WIPF2: variants seen among roughly 807,000 people sequenced by gnomAD.
WIPF2 encodes the protein WAS/WASL interacting protein family member 2.
Under a neutral mutation model 38.8 loss-of-function variants are expected in WIPF2, and 23 were observed. The ratio of observed to expected loss-of-function variants is 0.59; its 90% confidence interval spans 0.43 to 0.84. The LOEUF (loss-of-function observed/expected upper bound fraction) is 0.84, where lower values mean the gene tolerates loss of function less well. Among genes scored for constraint, WIPF2 ranks in the 40% least tolerant of loss-of-function variants. The probability of loss-of-function intolerance (pLI) is 0.00; values close to 1 mark genes in which losing one functional copy is unlikely to be tolerated. For missense variants in WIPF2, 574 were observed against 580.5 expected, an observed-to-expected ratio of 0.99 and a Z score of 0.11; for synonymous variants, 210 against 223.2, an observed-to-expected ratio of 0.94 and a Z score of 0.53.
chr17:40,262,181 A>G (rs1053871596), intron 3 of WIPF2, among the ~76,000 whole-genome samples: 8 of 146,588 alleles, frequency 5.5e-5, no homozygotes, highest in Non-Finnish European at 1.2e-4. Flanking sequence ...CCCAGGCTCA[A>G]TCGAGCCTCC....
intron 1 of WIPF2, among the ~76,000 whole-genome samples, chr17:40,232,015 CTTT>C (rs547592426): frequency 2.7e-5 from 3 of 110,348 alleles, no homozygotes; most frequent in Non-Finnish European, 5.7e-5. Flanking sequence ...ATTGATTTTA[CTTT>C]TTTTTTTTTT....
chr17:40,274,931 C>CAAAAAAA (rs777312230), intron 6 of WIPF2, among the ~76,000 whole-genome samples: 1 of 45,574 alleles, frequency 2.2e-5, no homozygotes, highest in Admixed American at 2.3e-4. Context: ...GAATCTGTCT[C>CAAAAAAA]AAAAAAAAAA....
intron 1 of WIPF2, among the ~76,000 whole-genome samples, chr17:40,226,454 A>G (rs1008447513): frequency 4.0e-5 from 6 of 151,280 alleles, no homozygotes; most frequent in Admixed American, 3.3e-4. Context: ...TGACCTCGCG[A>G]TCCGCCCACC....
intron 1 of WIPF2, among the ~76,000 whole-genome samples, chr17:40,256,096 TAAAAAAAAAAA>T (rs892748332): frequency 2.1e-5 from 2 of 96,978 alleles, no homozygotes; most frequent in African/African-American, 7.9e-5. Context: ...CCAGGGTCTT[TAAAAAAAAAAA>T]AAAAAAAAAA....
chr17:40,241,643 C>G (rs963354158), intron 1 of WIPF2, among the ~76,000 whole-genome samples: 1 of 152,118 alleles, frequency 6.6e-6, no homozygotes, highest in African/African-American at 2.4e-5. Flanking sequence ...TTACTAAGTC[C>G]AGGAATCAGT....
At chr17:40,250,217 A>ATTTTTTTTTTTTTTTTTTTTTTT (rs1567716394) in intron 1 of WIPF2, among the ~76,000 whole-genome samples, 2 of 80,274 alleles carry the variant, frequency 2.5e-5, no homozygotes, top group African/African-American at 9.9e-5. Context: ...GAATTTTATC[A>ATTTTTTTTTTTTTTTTTTTTTTT]TGTTTTTTTT....
intron 1 of WIPF2, among the ~76,000 whole-genome samples, chr17:40,245,659 T>G (rs1409395562): frequency 6.6e-6 from 1 of 152,082 alleles, no homozygotes; most frequent in Admixed American, 6.6e-5. Context: ...GATAATTCTT[T>G]GTTGTGGGCG....
At chr17:40,270,866 G>T (rs535883282) in intron 5 of WIPF2, among the ~76,000 whole-genome samples, 71 of 142,104 alleles carry the variant, frequency 5.0e-4, no homozygotes, top group African/African-American at 1.6e-3. Context: ...ACATTTATTG[G>T]GCTTATTGTG....
chr17:40,241,200 T>G (rs1054751696), intron 1 of WIPF2, among the ~76,000 whole-genome samples: 4 of 152,158 alleles, frequency 2.6e-5, no homozygotes, highest in Non-Finnish European at 5.9e-5. Context: ...ACCAGATCAT[T>G]CTCCTGGAAA....
chr17:40,278,324 A>AT lies in WIPF2; in HGVS notation c.*100dup, dbSNP rs535459841. On this transcript the variant is annotated 3_prime_UTR_variant, in exon 8 of 8. Coordinates refer to ENST00000323571, the MANE Select transcript of WIPF2 (RefSeq NM_133264.5). ...TGAAACCTGCATGAGAGCTCCTAAC[A>AT]TGTTTCTCCAATGCAATCAAGCCCT... 4.2e-4 allele frequency: 587 copies of AT among 1,401,654 alleles called. 5 individuals carry two copies. In the African/African-American group the frequency reaches 7.6e-3, roughly 18 times the overall value. The allele number at this position is 1,401,654 out of a possible 1,614,324, so 86.8% of individuals were successfully genotyped here.
chr17:40,260,731 T>C (rs759653144), intron 3 of WIPF2, 64 bp downstream of exon 3: 2 of 1,610,400 alleles, frequency 1.2e-6, no homozygotes, highest in Non-Finnish European at 1.7e-6. Flanking sequence ...GAGACTTGGC[T>C]GGGTTCTTAT....
At chr17:40,233,494 C>CTT (rs879430351) in intron 1 of WIPF2, among the ~76,000 whole-genome samples, 2 of 145,670 alleles carry the variant, frequency 1.4e-5, no homozygotes, top group African/African-American at 2.5e-5. Flanking sequence ...TTTATTCTTT[C>CTT]TTTTTTTTTT....
intron 6 of WIPF2, among the ~76,000 whole-genome samples, chr17:40,274,762 G>A (rs1401820981): frequency 6.6e-6 from 1 of 151,000 alleles, no homozygotes; most frequent in African/African-American, 2.4e-5. Flanking sequence ...GGGCAACATG[G>A]TGGAACTTCA....
chr17:40,272,882 A>G (rs2032288772), intron 5 of WIPF2, among the ~76,000 whole-genome samples: 2 of 152,212 alleles, frequency 1.3e-5, no homozygotes, highest in South Asian at 2.1e-4. Flanking sequence ...ATAATAGTCT[A>G]TTCAAGTGGT....
At chr17:40,271,548 G>T (rs979365090) in intron 5 of WIPF2, among the ~76,000 whole-genome samples, 39 of 152,114 alleles carry the variant, frequency 2.6e-4, no homozygotes, top group Non-Finnish European at 4.9e-4. Context: ...ACCAAAAGAT[G>T]CACTTCCAAG....
In WIPF2 at chr17:40,277,723, C is replaced by CTTTTT. The variant is rs528401568; in HGVS notation, c.1283-447_1283-443dup. Among the ~76,000 whole-genome samples, 49 of 97,610 alleles carry CTTTTT rather than the reference C, an allele frequency of 5.0e-4. 9 individuals are homozygous for CTTTTT. Among genetic ancestry groups the CTTTTT allele is most frequent in the African/African-American group, 1.9e-3 (34 of 17,936 alleles). The allele number at this position is 97,610 out of a possible 152,430, so 64.0% of individuals were successfully genotyped here. ...ATTGCTTCTCATCATCTTCGTTGTCCTTTTTTTTTTTTTTTTTTTGAGATA... is the reference window on the plus strand; with the variant it reads ...ATTGCTTCTCATCATCTTCGTTGTCCTTTTTTTTTTTTTTTTTTTTTTTTGAGATA... On this transcript the variant is annotated intron_variant, in intron 7 of 7. Transcript: ENST00000323571.
At chr17:40,243,987 G>A (rs1209939459) in intron 1 of WIPF2, among the ~76,000 whole-genome samples, 1 of 152,064 alleles carries the variant, frequency 6.6e-6, no homozygotes, top group Non-Finnish European at 1.5e-5. Context: ...ATCTCTACAT[G>A]TGATAGAAAT....
intron 6 of WIPF2, 151 bp from the exon 7 acceptor site, chr17:40,276,932 G>A: frequency 3.1e-6 from 2 of 647,368 alleles, no homozygotes; most frequent in East Asian, 2.6e-5. Flanking sequence ...TGCTGCTGCT[G>A]TTCTCAGGGT....
chr17:40,235,569 C>CTTT (rs777748624), intron 1 of WIPF2, among the ~76,000 whole-genome samples: 14 of 119,864 alleles, frequency 1.2e-4, no homozygotes, highest in East Asian at 2.5e-4. Context: ...GAGAGTGAGA[C>CTTT]TTTTTTTTTT....
Sources: allele counts gnomAD v4.1 joint callset (sites outside exome capture counted in the v4.1 genomes callset), GRCh38; gene constraint gnomAD v4.1.1; transcripts MANE v1.5; gene names NCBI Gene and HGNC (gene_info 2026-07-23, HGNC 2026-07-21).